ADAMTSL1: variants seen among roughly 807,000 people sequenced by gnomAD.
ADAMTSL1 encodes the protein ADAMTS like 1, also known as ADAMTS-like protein 1.
ADAMTSL1 carries 126 observed loss-of-function variants against 201.8 expected under a neutral mutation model. The observed-to-expected ratio is 0.62, with a 90% CI of 0.54 to 0.72. The LOEUF (loss-of-function observed/expected upper bound fraction) is 0.72. Ranked by LOEUF, ADAMTSL1 falls within the 30% of genes least tolerant of loss-of-function variation. The probability of loss-of-function intolerance (pLI) is 0.00; values close to 1 mark genes in which losing one functional copy is unlikely to be tolerated. For synonymous variants in ADAMTSL1, 1,121 were observed against 903.4 expected (o/e 1.24, Z -4.32); for missense variants, 2,679 against 2,277.8 (o/e 1.18, Z -3.59).
At chr9:18,118,735 A>T (rs943879299) in intron 1 of ADAMTSL1, among the ~76,000 whole-genome samples, 1 of 152,186 alleles carries the variant, frequency 6.6e-6, no homozygotes, top group Admixed American at 6.5e-5. Context: ...TGTCATCTGC[A>T]TTGTCAGTTT....
At position 18,399,318 on chromosome 9, in the gene ADAMTSL1, T is replaced by TACAC. The variant is rs546368782; in HGVS notation, c.208-105510_208-105509insCACA. ...ATATATATATATATATATATATATA[T>TACAC]ATATATATATAAAATTATTATTTTC... On this transcript the variant is annotated intron_variant, in intron 2 of 29. Coordinates refer to the ADAMTSL1 transcript ENST00000680146. 1.2e-4 allele frequency among the ~76,000 whole-genome samples: 12 copies of TACAC among 100,796 alleles called. 1 individual carries two copies. Among genetic ancestry groups the TACAC allele is most frequent in the Non-Finnish European group, 1.4e-4 (7 of 49,288 alleles). 66.1% of individuals were successfully genotyped at this position (100,796 alleles called of 152,430 possible). A position where few individuals can be genotyped will look rare whatever the true frequency, so the allele number is the denominator to read the frequency against.
intron 15 of ADAMTSL1, chr9:18,723,340 C>G (rs1483152252): frequency 9.8e-6 from 5 of 511,766 alleles, no homozygotes; most frequent in African/African-American, 9.7e-5. Flanking sequence ...TTTCTAACCA[C>G]ATTCCTGTGT....
chr9:18,339,406 A>G (rs969310240), intron 2 of ADAMTSL1, among the ~76,000 whole-genome samples: 6 of 152,306 alleles, frequency 3.9e-5, no homozygotes, highest in Admixed American at 3.3e-4. Flanking sequence ...ACAGTGAGAT[A>G]CCATCTCACA....
In ADAMTSL1 at chr9:18,662,590, C is replaced by G. The variant is rs564275428; in HGVS notation, c.1085+517C>G. 1.8e-4 allele frequency among the ~76,000 whole-genome samples: 28 copies of G among 152,220 alleles called. No individual in the cohort carries two copies. The East Asian group carries it at 5.2e-3, about 28-fold the overall frequency. Reference sequence around the variant, plus strand: ...TCTGCTGCCTTTGAACATACTCAGTCTTTGCTAAAGAGAAAGAACTTATTC... The same window carrying G: ...TCTGCTGCCTTTGAACATACTCAGTGTTTGCTAAAGAGAAAGAACTTATTC... On this transcript the variant is annotated intron_variant, in intron 9 of 28. Transcript: ENST00000380548.
At chr9:18,120,956 A>G (rs1407248971) in intron 1 of ADAMTSL1, among the ~76,000 whole-genome samples, 2 of 152,160 alleles carry the variant, frequency 1.3e-5, no homozygotes, top group African/African-American at 4.8e-5. Context: ...GACTCTACAC[A>G]GAAATACAGT....
intron 9 of ADAMTSL1, among the ~76,000 whole-genome samples, chr9:18,670,622 G>C (rs563187909): frequency 2.0e-5 from 3 of 152,232 alleles, no homozygotes; most frequent in African/African-American, 7.2e-5. Flanking sequence ...ACTTGTTTTT[G>C]CTTTTTTGTT....
At chr9:18,218,205 T>C (rs535782715) in intron 2 of ADAMTSL1, among the ~76,000 whole-genome samples, 3 of 152,276 alleles carry the variant, frequency 2.0e-5, no homozygotes, top group African/African-American at 7.2e-5. Flanking sequence ...GTAAATGAGA[T>C]TTGCTCTAAT....
At chr9:18,794,808 ATT>A (rs1378901244) in intron 19 of ADAMTSL1, among the ~76,000 whole-genome samples, 6 of 151,770 alleles carry the variant, frequency 4.0e-5, no homozygotes, top group African/African-American at 1.5e-4. Flanking sequence ...TAATTTTATT[ATT>A]TTTGTAGTTT....
intron 1 of ADAMTSL1, among the ~76,000 whole-genome samples, 164 bp from the exon 2 acceptor site, chr9:18,504,665 A>T (rs1474898956): frequency 6.6e-6 from 1 of 152,158 alleles, no homozygotes; most frequent in African/African-American, 2.4e-5. Flanking sequence ...CCCCCTGAAC[A>T]TATAGGCATT....
intron 17 of ADAMTSL1, among the ~76,000 whole-genome samples, 181 bp downstream of exon 17, chr9:18,770,962 G>A (rs1427890925): frequency 1.3e-5 from 2 of 152,208 alleles, no homozygotes; most frequent in African/African-American, 4.8e-5. Flanking sequence ...GCAGGGACCT[G>A]AGTTACGCAG....
At chr9:18,499,173 C>T (rs1822699948) in intron 1 of ADAMTSL1, among the ~76,000 whole-genome samples, 1 of 152,262 alleles carries the variant, frequency 6.6e-6, no homozygotes. Flanking sequence ...TATCTCCCAA[C>T]AGTGCAGCTG....
At position 18,740,478 on chromosome 9, in the gene ADAMTSL1, C is replaced by CTTT. The variant is rs11449360; in HGVS notation, c.2007-12805_2007-12803dup. Among the ~76,000 whole-genome samples the CTTT allele has an allele frequency of 5.2e-4, 55 of 105,658 alleles. 1 individual carries two copies. The highest frequency in any genetic ancestry group is 7.5e-4 in the Admixed American group (7 of 9,312). 69.3% of individuals were successfully genotyped at this position (105,658 alleles called of 152,430 possible). ...CTTTCTTTTTTTTTTTTTCTTTTAT[C>CTTT]TTTTTTTTTTTTTTTTTGAGAGGAG... On this transcript the variant is annotated intron_variant, in intron 15 of 28. Coordinates refer to ENST00000380548, the MANE Select transcript of ADAMTSL1 (RefSeq NM_001040272.6).
intron 2 of ADAMTSL1, among the ~76,000 whole-genome samples, chr9:18,407,346 C>T (rs1460815093): frequency 2.6e-5 from 4 of 152,082 alleles, no homozygotes; most frequent in African/African-American, 4.8e-5. Flanking sequence ...GAACATGGTA[C>T]ATTTATCATC....
At chr9:17,919,382 T>C (rs1204870165) in intron 1 of ADAMTSL1, among the ~76,000 whole-genome samples, 2 of 152,030 alleles carry the variant, frequency 1.3e-5, no homozygotes, top group Non-Finnish European at 2.9e-5. Context: ...CATTGGTTTT[T>C]ATTATATTCA....
intron 2 of ADAMTSL1, among the ~76,000 whole-genome samples, chr9:18,526,297 C>T (rs768738600): frequency 4.1e-4 from 62 of 152,184 alleles, no homozygotes; most frequent in Non-Finnish European, 7.8e-4. Context: ...CCGCGTAGAT[C>T]TTCCTCCATC....
intron 2 of ADAMTSL1, among the ~76,000 whole-genome samples, chr9:18,355,456 T>G (rs1030365857): frequency 6.6e-6 from 1 of 152,198 alleles, no homozygotes; most frequent in Non-Finnish European, 1.5e-5. Flanking sequence ...TCAGTTGTCA[T>G]TCCATAGCAA....
At chr9:18,653,789 T>A (rs369850814) in intron 7 of ADAMTSL1, among the ~76,000 whole-genome samples, 1 of 152,224 alleles carries the variant, frequency 6.6e-6, no homozygotes, top group Admixed American at 6.5e-5. Flanking sequence ...ATGCCTAATC[T>A]TAGCATTTCC....
intron 5 of ADAMTSL1, among the ~76,000 whole-genome samples, chr9:18,632,147 A>G (rs1826824923): frequency 6.6e-6 from 1 of 152,212 alleles, no homozygotes; most frequent in South Asian, 2.1e-4. Flanking sequence ...TTGCTCTCAC[A>G]TCCTAAGAGA....
intron 2 of ADAMTSL1, among the ~76,000 whole-genome samples, chr9:18,375,556 A>G (rs1019832703): frequency 1.3e-5 from 2 of 151,904 alleles, no homozygotes; most frequent in Non-Finnish European, 2.9e-5. Flanking sequence ...ATTTAGTATG[A>G]CTCCTCCTTC....
Sources: gnomAD v4.1 joint callset for allele counts (sites outside exome capture counted in the v4.1 genomes callset) on GRCh38, gnomAD v4.1.1 for gene constraint, MANE v1.5 for transcripts, NCBI Gene and HGNC (gene_info 2026-07-23, HGNC 2026-07-21) for gene names.